The following HEPACAM2 variants were observed in gnomAD, a reference collection of about 807,000 sequenced individuals.
HEPACAM2 encodes the protein mitotic kinetics regulator.
A neutral mutation model predicts 49.6 loss-of-function variants in HEPACAM2; 49 were observed. The ratio of observed to expected loss-of-function variants is 0.99; its 90% CI spans 0.78 to 1.25. The LOEUF is 1.25. HEPACAM2 is among the 50% of genes most tolerant of loss of function. The probability of loss-of-function intolerance (pLI) is 0.00; values close to 1 mark genes in which losing one functional copy is unlikely to be tolerated. For missense variants in HEPACAM2, 525 were observed against 557.2 expected, an observed-to-expected ratio of 0.94 and a Z score of 0.58; for synonymous variants, 197 against 202.9, an observed-to-expected ratio of 0.97 and a Z score of 0.25.
In HEPACAM2 at chr7:93,219,464, A is replaced by G; in HGVS notation, c.80-13T>C. The G allele has an allele frequency of 1.9e-6, 3 of 1,613,608 alleles. No homozygotes were observed. Among genetic ancestry groups the G allele is most frequent in the Non-Finnish European group, 2.5e-6 (3 of 1,179,890 alleles). The stretch of plus-strand genomic sequence containing the variant: ...CCCGAGCAAGCACCTGTTGCAAAGG[A>G]AAGGAAAGTTGTGAAGACCTTGAGC... On this transcript the variant is annotated splice_polypyrimidine_tract_variant and intron_variant, in intron 1 of 9. Coordinates refer to ENST00000394468, the MANE Select transcript of HEPACAM2 (RefSeq NM_001039372.4).
chr7:93,215,223 T>C (rs1794271541), intron 3 of HEPACAM2, among the ~76,000 whole-genome samples, 178 bp downstream of exon 3: 1 of 152,124 alleles, frequency 6.6e-6, no homozygotes, highest in African/African-American at 2.4e-5. Context: ...AATAGGATTG[T>C]GCTAGCAGAC....
Position 93,189,215 on chromosome 7 carries a change from T to A in HEPACAM2, c.*52A>T, listed in dbSNP as rs779981387. ...AATATACTTTTCCACTGTTTTTCCT[T>A]AAAATGTTTCTTCAGAATTTCACTC... is the stretch of plus-strand genomic sequence containing the variant. On this transcript the variant is annotated 3_prime_UTR_variant, in exon 10 of 10. Coordinates refer to ENST00000394468, the MANE Select transcript of HEPACAM2 (RefSeq NM_001039372.4). 1 of 1,524,228 alleles carries A rather than the reference T, an allele frequency of 6.6e-7. No individual in the cohort carries two copies. Among genetic ancestry groups the A allele is most frequent in the South Asian group, 1.1e-5 (1 of 87,516 alleles). The allele number at this position is 1,524,228 out of a possible 1,614,324, so 94.4% of individuals were successfully genotyped here. A position where few individuals can be genotyped will look rare whatever the true frequency, so the allele number is the denominator to read the frequency against.
intron 2 of HEPACAM2, among the ~76,000 whole-genome samples, chr7:93,217,459 G>A (rs1283732731): frequency 6.6e-6 from 1 of 152,164 alleles, no homozygotes; most frequent in Non-Finnish European, 1.5e-5. Flanking sequence ...TCACAAGAAA[G>A]GATTCTATTA....
intron 4 of HEPACAM2, among the ~76,000 whole-genome samples, chr7:93,202,942 C>G (rs992358413): frequency 1.3e-5 from 2 of 152,112 alleles, no homozygotes; most frequent in African/African-American, 4.8e-5. Flanking sequence ...TATGTATTTA[C>G]TAAAATGACC....
intron 3 of HEPACAM2, among the ~76,000 whole-genome samples, chr7:93,210,375 T>G (rs1330794222): frequency 6.6e-6 from 1 of 151,998 alleles, no homozygotes; most frequent in Non-Finnish European, 1.5e-5. Flanking sequence ...CATGGTCATA[T>G]AGCTATTAAA....
chr7:93,224,769 C>T (rs575436498), intron 1 of HEPACAM2, among the ~76,000 whole-genome samples: 15 of 152,254 alleles, frequency 9.9e-5, no homozygotes, highest in African/African-American at 3.4e-4. Flanking sequence ...GTGGTATTAA[C>T]AAGCATAACA....
At chr7:93,219,545 C>T (rs1457764745) in intron 1 of HEPACAM2, 94 bp from the exon 2 acceptor site, 1 of 1,565,528 alleles carries the variant, frequency 6.4e-7, no homozygotes, top group African/African-American at 1.4e-5. Context: ...GGTGATAATC[C>T]TTTTCAAAGA....
intron 1 of HEPACAM2, among the ~76,000 whole-genome samples, chr7:93,223,055 T>C (rs1794480050): frequency 1.3e-5 from 2 of 152,198 alleles, no homozygotes; most frequent in Admixed American, 6.5e-5. Context: ...GGAGCAGCTT[T>C]GTCATGGATG....
Position 93,208,816 on chromosome 7 carries a change from G to A in HEPACAM2, c.776C>T (p.Thr259Ile). Residue 259 changes from threonine to isoleucine, a missense_variant, in exon 4 of 10, where the codon ACT becomes ATT. Coordinates refer to ENST00000394468, the MANE Select transcript of HEPACAM2 (RefSeq NM_001039372.4). ...TAGGATGGCCTCTCCAAGGTCAACA[G>A]TAAACACTTCCCCTACTTTTAGCCC... is the stretch of plus-strand genomic sequence containing the variant. ...DKGLKVGEVFTVDLGEAILFD... is the reference protein window; with the variant it reads ...DKGLKVGEVFIVDLGEAILFD... 1 of 1,612,668 alleles carries A rather than the reference G, an allele frequency of 6.2e-7. No individual in the cohort carries two copies. The highest frequency in any genetic ancestry group is 8.5e-7 in the Non-Finnish European group (1 of 1,179,182).
chr7:93,223,329 A>G (rs1794485120), intron 1 of HEPACAM2, among the ~76,000 whole-genome samples: 1 of 152,136 alleles, frequency 6.6e-6, no homozygotes, highest in Non-Finnish European at 1.5e-5. Flanking sequence ...TGACTTTTGG[A>G]TCTTGACCCA....
chr7:93,197,759 G>A, intron 4 of HEPACAM2, 149 bp from the exon 5 acceptor site: 1 of 565,610 alleles, frequency 1.8e-6, no homozygotes, highest in Non-Finnish European at 3.1e-6. Context: ...GAGACCAAAT[G>A]GAAGGAATGC....
At chr7:93,203,907 C>T (rs1331605992) in intron 4 of HEPACAM2, among the ~76,000 whole-genome samples, 2 of 152,020 alleles carry the variant, frequency 1.3e-5, no homozygotes, top group Non-Finnish European at 2.9e-5. Context: ...CATCATAGGC[C>T]CACTGACAGA....
At position 93,210,011 on chromosome 7, in the gene HEPACAM2, G is replaced by A. The variant is rs554127512; in HGVS notation, c.716-1135C>T. Reference sequence around the variant, plus strand: ...AGCCCCTGGTGTTTTTTTCCACATTGCAGTACTCCTGTAGCATTGTACCAT... The same window carrying A: ...AGCCCCTGGTGTTTTTTTCCACATTACAGTACTCCTGTAGCATTGTACCAT... On this transcript the variant is annotated intron_variant, in intron 3 of 9. Coordinates refer to ENST00000394468, the MANE Select transcript of HEPACAM2 (RefSeq NM_001039372.4). 8.1e-4 allele frequency among the ~76,000 whole-genome samples: 123 copies of A among 151,668 alleles called. 1 individual carries two copies. Among genetic ancestry groups the A allele is most frequent in the East Asian group, 7.8e-4 (4 of 5,152 alleles).
chr7:93,226,485 C>T, upstream of HEPACAM2: 3 of 1,491,922 alleles, frequency 2.0e-6, no homozygotes, highest in Non-Finnish European at 2.8e-6. Flanking sequence ...CTTGGACCAG[C>T]AGCTGCTGGT....
At chr7:93,217,879 T>C (rs1192337110) in intron 2 of HEPACAM2, among the ~76,000 whole-genome samples, 2 of 40,322 alleles carry the variant, frequency 5.0e-5, no homozygotes, top group Non-Finnish European at 8.7e-5. Flanking sequence ...TGTGTGTCTG[T>C]GTGTGTGTGT....
chr7:93,196,871 G>A (rs907608094), intron 7 of HEPACAM2, among the ~76,000 whole-genome samples: 3 of 152,116 alleles, frequency 2.0e-5, no homozygotes, highest in Non-Finnish European at 4.4e-5. Context: ...CCTACCTTAG[G>A]AATGAACAAA....
At chr7:93,206,454 A>G (rs576926128) in intron 4 of HEPACAM2, among the ~76,000 whole-genome samples, 5 of 152,194 alleles carry the variant, frequency 3.3e-5, no homozygotes, top group African/African-American at 1.2e-4. Flanking sequence ...AAAATGAATG[A>G]ATGGGTGCTT....
chr7:93,203,050 C>T (rs572928941), intron 4 of HEPACAM2, among the ~76,000 whole-genome samples: 38 of 152,260 alleles, frequency 2.5e-4, no homozygotes, highest in African/African-American at 7.0e-4. Context: ...CCTCTTGCCT[C>T]TTCCCTTGGC....
chr7:93,197,201 C>T lies in HEPACAM2; in HGVS notation c.1201+40G>A, dbSNP rs370161361. On this transcript the variant is annotated intron_variant, in intron 7 of 9. Coordinates refer to ENST00000394468, the MANE Select transcript of HEPACAM2 (RefSeq NM_001039372.4). ...AATATTAACACAACTAATTAACATA[C>T]ATTAAAACTGATAATAGCCCTTTTC... 9.3e-6 allele frequency: 14 copies of T among 1,508,160 alleles called. No individual in the cohort carries two copies. The African/African-American group carries it at 1.9e-4, about 21-fold the overall frequency. The allele number at this position is 1,508,160 out of a possible 1,614,324, so 93.4% of individuals were successfully genotyped here.
Sources: allele counts gnomAD v4.1 joint callset (sites outside exome capture counted in the v4.1 genomes callset), GRCh38; gene constraint gnomAD v4.1.1; transcripts MANE v1.5; gene names NCBI Gene and HGNC (gene_info 2026-07-23, HGNC 2026-07-21).